GAL3ST3: variants seen among roughly 807,000 people sequenced by gnomAD.
GAL3ST3 encodes beta-galactose-3-O-sulfotransferase 3.
Under a neutral mutation model 20.8 loss-of-function variants are expected in GAL3ST3, and 21 were observed. That is an observed-to-expected ratio of 1.01 (90% CI 0.72 to 1.45). The LOEUF (loss-of-function observed/expected upper bound fraction) is 1.45, where lower values mean the gene tolerates loss of function less well. Ranked by LOEUF, GAL3ST3 falls within the 40% of genes most tolerant of loss-of-function variation. The pLI, the probability that GAL3ST3 is intolerant of heterozygous loss-of-function variation, is 0.00. For missense variants in GAL3ST3, 739 were observed against 662.7 expected (o/e 1.12, Z -1.26); for synonymous variants, 355 against 307.2 (o/e 1.16, Z -1.63).
At chr11:66,048,153 C>T (rs916449449) in intron 1 of GAL3ST3, among the ~76,000 whole-genome samples, 46 of 152,156 alleles carry the variant, frequency 3.0e-4, no homozygotes, top group African/African-American at 1.0e-3. Flanking sequence ...CCCCATTGTG[C>T]CTGGTGTCTT....
intron 2 of GAL3ST3, 138 bp downstream of exon 2, chr11:66,045,153 C>G: frequency 1.5e-6 from 1 of 654,794 alleles, no homozygotes; most frequent in South Asian, 2.9e-5. Flanking sequence ...AGAGCAGTCC[C>G]TGTCCAGGGA....
In GAL3ST3 at chr11:66,043,592, T is replaced by C. The variant is rs770499341; in HGVS notation, c.211A>G (p.Thr71Ala). The stretch of plus-strand genomic sequence containing the variant: ...ACCGTCGTGCCTGCCGTCTTGTGAG[T>C]CTTCAGGAAGGCCACAGTCATGTGC... ...PKHMTVAFLK[T>A]HKTAGTTVQN... The change falls in exon 3 of 3, where the codon ACT (threonine) becomes GCT (alanine). Residue 71 changes from threonine (T) to alanine (A), a missense_variant. Thr to Ala is a moderately conservative substitution (Grantham distance 58). Coordinates refer to ENST00000312006, the MANE Select transcript of GAL3ST3 (RefSeq NM_033036.3). 1.9e-6 allele frequency: 3 copies of C among 1,612,660 alleles called. No individual in the cohort carries two copies. The Admixed American group carries it at 5.0e-5, about 27-fold the overall frequency.
intron 1 of GAL3ST3, among the ~76,000 whole-genome samples, chr11:66,048,364 A>G (rs767662890): frequency 2.6e-5 from 4 of 151,990 alleles, no homozygotes; most frequent in African/African-American, 7.3e-5. Flanking sequence ...CCACCCTCCT[A>G]AAGGAGCCCT....
At position 66,042,487 on chromosome 11, in the gene GAL3ST3, C is replaced by T. The variant is rs1472376566; in HGVS notation, c.*20G>A. On this transcript the variant is annotated 3_prime_UTR_variant, in exon 3 of 3. Transcript: ENST00000312006. ...CTGGGAGGGCAGGGCAGGACCCATA[C>T]TCCTGGAGGCCTGCGGAGCTCAGGG... 2.1e-5 allele frequency: 31 copies of T among 1,445,998 alleles called. No individual in the cohort carries two copies. The highest frequency in any genetic ancestry group is 2.8e-5 in the Non-Finnish European group (31 of 1,105,746). 89.6% of individuals were successfully genotyped at this position (1,445,998 alleles called of 1,614,324 possible).
chr11:66,048,347 G>A (rs557220004), intron 1 of GAL3ST3, among the ~76,000 whole-genome samples: 22 of 152,230 alleles, frequency 1.4e-4, no homozygotes, highest in African/African-American at 5.1e-4. Flanking sequence ...AAAATGGGCC[G>A]GGGTGCCCAC....
intron 2 of GAL3ST3, 165 bp downstream of exon 2, chr11:66,045,126 C>T (rs935979306): frequency 3.9e-6 from 2 of 511,246 alleles, no homozygotes; most frequent in Non-Finnish European, 6.6e-6. Context: ...GAGCAAGTCA[C>T]TCAGCCCTTT....
At chr11:66,045,758 C>T (rs757282976) in intron 1 of GAL3ST3, among the ~76,000 whole-genome samples, 1 of 152,216 alleles carries the variant, frequency 6.6e-6, no homozygotes, top group Non-Finnish European at 1.5e-5. Flanking sequence ...TAGCCACTCC[C>T]ATCCCTCAGC....
chr11:66,042,864 G>T lies in GAL3ST3; in HGVS notation c.939C>A (p.Gly313=). The T allele has an allele frequency of 8.6e-7, 1 of 1,164,472 alleles. No individual in the cohort carries two copies. The highest frequency in any genetic ancestry group is 1.1e-6 in the Non-Finnish European group (1 of 939,620). The allele number at this position is 1,164,472 out of a possible 1,614,324, so 72.1% of individuals were successfully genotyped here. A position where few individuals can be genotyped will look rare whatever the true frequency, so the allele number is the denominator to read the frequency against. Residue 313 remains glycine, a synonymous_variant, in exon 3 of 3, where the codon GGC becomes GGA. Coordinates refer to ENST00000312006, the MANE Select transcript of GAL3ST3 (RefSeq NM_033036.3). ...GCGCCTCGCGCTCCACGCACGCGCG[G>T]CCCGCGCGCGCCACGTGGCGCCAGA... ...ATFWRHVARA[G]RACVEREARE...
chr11:66,042,639 C>G lies in GAL3ST3; in HGVS notation c.1164G>C (p.Glu388Asp). Residue 388 changes from glutamate to aspartate, a missense_variant, in exon 3 of 3, where the codon GAG becomes GAC. Transcript: ENST00000312006. ...TEACLKLAMP[E>D]VQYSNYLLRK... ...GCAACAGGTAGTTCGAGTACTGGAC[C>G]TCGGGCATGGCCAGCTTGAGGCAGG... 6.5e-7 allele frequency: 1 copy of G among 1,536,036 alleles called. No homozygotes were observed. Among genetic ancestry groups the G allele is most frequent in the South Asian group, 1.2e-5 (1 of 84,094 alleles).
At chr11:66,047,171 T>C (rs1279354936) in intron 1 of GAL3ST3, among the ~76,000 whole-genome samples, 1 of 152,194 alleles carries the variant, frequency 6.6e-6, no homozygotes, top group Non-Finnish European at 1.5e-5. Context: ...AGAGAAGGGC[T>C]GGCCTGGCCT....
Position 66,043,019 on chromosome 11 carries a change from C to A in GAL3ST3, c.784G>T (p.Val262Leu). The change falls in exon 3 of 3, where the codon GTG becomes TTG. Residue 262 changes from valine to leucine, a missense_variant. By Grantham distance (32) the Val-to-Leu change is conservative. Transcript: ENST00000312006. ...CGCGCGTTGAGCTTGGCGTAGAGCA[C>A]GTCGTCCAGGTCCCAGGCCAGTAGG... ...RRLLAWDLDD[V>L]LYAKLNARAA... 2.5e-6 allele frequency: 4 copies of A among 1,609,248 alleles called. No individual in the cohort carries two copies. Among genetic ancestry groups the A allele is most frequent in the Non-Finnish European group, 3.4e-6 (4 of 1,178,760 alleles).
chr11:66,047,003 C>T (rs1856789712), intron 1 of GAL3ST3, among the ~76,000 whole-genome samples: 1 of 152,160 alleles, frequency 6.6e-6, no homozygotes, highest in Non-Finnish European at 1.5e-5. Flanking sequence ...TTTATGCCTC[C>T]CCTTCTCTCT....
At position 66,042,815 on chromosome 11, in the gene GAL3ST3, G is replaced by C. The variant is rs1328810262; in HGVS notation, c.988C>G (p.Arg330Gly). The change falls in exon 3 of 3, where the codon CGC becomes GGC. Residue 330 changes from arginine (R) to glycine (G), a missense_variant. Coordinates refer to ENST00000312006, the MANE Select transcript of GAL3ST3 (RefSeq NM_033036.3). ...EARELREARQ[R>G]LLRRCFGDEP... The stretch of plus-strand genomic sequence containing the variant: ...TCCCCGAAGCAGCGCCGCAGTAGGC[G>C]CTGGCGGGCCTCGCGCAGCTCGCGC... 2.1e-6 allele frequency: 3 copies of C among 1,420,492 alleles called. No individual in the cohort carries two copies. Among genetic ancestry groups the C allele is most frequent in the Non-Finnish European group, 2.7e-6 (3 of 1,098,414 alleles). 88.0% of individuals were successfully genotyped at this position (1,420,492 alleles called of 1,614,324 possible).
In GAL3ST3 at chr11:66,042,906, G is replaced by A. The variant is rs1192995945; in HGVS notation, c.897C>T (p.Asp299=). ...TWNALDAGLY[D]HFNATFWRHV... is the part of the protein sequence containing the mutation. ...GGCGCCAGAAGGTGGCGTTGAAGTGGTCGTAGAGGCCGGCGTCCAGGGCGT... is the reference window on the plus strand; with the variant it reads ...GGCGCCAGAAGGTGGCGTTGAAGTGATCGTAGAGGCCGGCGTCCAGGGCGT... Residue 299 remains aspartate (D), a synonymous_variant, in exon 3 of 3, where the codon GAC becomes GAT. Coordinates refer to ENST00000312006, the MANE Select transcript of GAL3ST3 (RefSeq NM_033036.3). 55 of 1,217,824 alleles carry A rather than the reference G, an allele frequency of 4.5e-5. No individual in the cohort carries two copies. Among genetic ancestry groups the A allele is most frequent in the Non-Finnish European group, 5.4e-5 (52 of 968,334 alleles). The allele number at this position is 1,217,824 out of a possible 1,614,324, so 75.4% of individuals were successfully genotyped here.
Position 66,043,154 on chromosome 11 carries a change from G to C in GAL3ST3, c.649C>G (p.Pro217Ala), listed in dbSNP as rs1255172056. The change falls in exon 3 of 3, where the codon CCG becomes GCG. Residue 217 changes from proline (P) to alanine (A), a missense_variant. Transcript: ENST00000312006. The part of the protein sequence containing the change: ...YDLGGDNERS[P>A]RDDAAYLAGL... ...GCCAGGTAGGCGGCGTCGTCGCGCG[G>C]GCTGCGCTCATTGTCGCCGCCCAGG... 2 of 1,611,722 alleles carry C rather than the reference G, an allele frequency of 1.2e-6. No homozygotes were observed. Among genetic ancestry groups the C allele is most frequent in the African/African-American group, 2.7e-5 (2 of 74,898 alleles).
intron 1 of GAL3ST3, among the ~76,000 whole-genome samples, chr11:66,047,062 G>A (rs961078469): frequency 2.6e-5 from 4 of 152,086 alleles, no homozygotes; most frequent in Non-Finnish European, 4.4e-5. Context: ...GACTTAATCC[G>A]GCCGGAGCCA....
intron 1 of GAL3ST3, among the ~76,000 whole-genome samples, chr11:66,046,475 C>A (rs1447971568): frequency 6.6e-6 from 1 of 152,202 alleles, no homozygotes; most frequent in Admixed American, 6.5e-5. Context: ...AAGTGCCTGA[C>A]CAAAGCAATG....
intron 2 of GAL3ST3, 66 bp from the exon 3 acceptor site, chr11:66,043,743 A>C: frequency 7.2e-7 from 1 of 1,398,214 alleles, no homozygotes; most frequent in East Asian, 2.4e-5. Flanking sequence ...CCCTGCCCTT[A>C]CCCAAGGACT....
chr11:66,043,393 A>G lies in GAL3ST3; in HGVS notation c.410T>C (p.Leu137Pro), dbSNP rs772245919. 1.2e-6 allele frequency: 2 copies of G among 1,610,154 alleles called. No homozygotes were observed. Among genetic ancestry groups the G allele is most frequent in the South Asian group, 2.2e-5 (2 of 90,828 alleles). ...ASHLRFDRAE[L>P]ERLMPPSTVY... ...GGTGCTGGGCGGCATGAGGCGCTCC[A>G]GCTCCGCACGGTCGAAGCGCAGGTG... The change falls in exon 3 of 3, where the codon CTG becomes CCG. Residue 137 changes from leucine (L) to proline (P), a missense_variant. Physicochemically the swap from Leu to Pro is moderately conservative, Grantham distance 98. Transcript: ENST00000312006.
Sources: gnomAD v4.1 joint callset for allele counts (sites outside exome capture counted in the v4.1 genomes callset) on GRCh38, gnomAD v4.1.1 for gene constraint, MANE v1.5 for transcripts, NCBI Gene and HGNC (gene_info 2026-07-23, HGNC 2026-07-21) for gene names.